The following ADGRL3 variants were observed in gnomAD, a reference collection of about 807,000 sequenced individuals.
The protein encoded by ADGRL3 is adhesion G protein-coupled receptor L3.
A neutral mutation model predicts 153.5 loss-of-function variants in ADGRL3; 62 were observed. The ratio of observed to expected loss-of-function variants is 0.40; its 90% confidence interval spans 0.33 to 0.50. ADGRL3 has a LOEUF of 0.50. Among genes scored for constraint, ADGRL3 ranks in the 20% least tolerant of loss-of-function variants. The pLI is 0.47. For missense variants in ADGRL3, 1,641 were observed against 1,859.4 expected (o/e 0.88, Z 2.16); for synonymous variants, 710 against 672.5 (o/e 1.06, Z -0.86).
At chr4:61,517,140 C>T (rs534108034) in intron 3 of ADGRL3, among the ~76,000 whole-genome samples, 175 bp from the exon 4 acceptor site, 1 of 151,056 alleles carries the variant, frequency 6.6e-6, no homozygotes, top group Non-Finnish European at 1.5e-5. Context: ...TACTAGGGGC[C>T]AGGAGATGTA....
chr4:61,312,067 C>G (rs550237675), intron 1 of ADGRL3, among the ~76,000 whole-genome samples: 3 of 152,136 alleles, frequency 2.0e-5, no homozygotes, highest in South Asian at 2.1e-4. Flanking sequence ...AAAATAAAAC[C>G]TTTAAAAAAA....
At chr4:61,804,594 C>A (rs1045398345) in intron 8 of ADGRL3, among the ~76,000 whole-genome samples, 1 of 152,162 alleles carries the variant, frequency 6.6e-6, no homozygotes, top group Non-Finnish European at 1.5e-5. Context: ...TTTCACTCTT[C>A]TCTCAGCTAA....
chr4:61,955,556 C>T (rs114635065), intron 17 of ADGRL3, among the ~76,000 whole-genome samples: 114 of 151,428 alleles, frequency 7.5e-4, no homozygotes, highest in African/African-American at 2.6e-3. Flanking sequence ...TAAAGAAACA[C>T]CTCTCAATTA....
intron 6 of ADGRL3, among the ~76,000 whole-genome samples, chr4:61,706,035 T>C (rs1261553513): frequency 6.6e-6 from 1 of 152,188 alleles, no homozygotes; most frequent in Non-Finnish European, 1.5e-5. Flanking sequence ...TGCATTGGCT[T>C]GTAATAAGAG....
rs181442845 is a variant in ADGRL3 at position 62,069,109 on chromosome 4, C to A, written c.3832+926C>A. Among the ~76,000 whole-genome samples, 216 of 152,022 alleles carry A rather than the reference C, an allele frequency of 1.4e-3. 2 individuals carry two copies. Among genetic ancestry groups the A allele is most frequent in the African/African-American group, 5.0e-3 (209 of 41,496 alleles). On this transcript the variant is annotated intron_variant, in intron 26 of 26. Transcript: ENST00000683033. ...GTGATTTATGAAGCTATTATAGATT[C>A]TTGTTTTTCTGTTCATTCAATGGAA...
At chr4:62,045,506 ATTT>A (rs994493421) in intron 25 of ADGRL3, among the ~76,000 whole-genome samples, 1 of 151,950 alleles carries the variant, frequency 6.6e-6, no homozygotes, top group Admixed American at 6.6e-5. Flanking sequence ...TTTTTGTTAT[ATTT>A]TATGCTACTT....
chr4:61,745,913 G>A (rs918127768), intron 8 of ADGRL3, among the ~76,000 whole-genome samples: 1 of 152,088 alleles, frequency 6.6e-6, no homozygotes, highest in Non-Finnish European at 1.5e-5. Context: ...ACACAGACTG[G>A]CAAATTGGAT....
At chr4:61,995,242 T>G (rs1157817233) in intron 19 of ADGRL3, among the ~76,000 whole-genome samples, 1 of 151,922 alleles carries the variant, frequency 6.6e-6, no homozygotes. Flanking sequence ...CATACGTAGA[T>G]CTACTTCCTC....
intron 2 of ADGRL3, among the ~76,000 whole-genome samples, chr4:61,481,114 A>G (rs988644747): frequency 3.3e-5 from 5 of 152,222 alleles, no homozygotes; most frequent in Admixed American, 3.3e-4. Flanking sequence ...TTCAAATTAT[A>G]TAATTGCAAT....
chr4:61,700,460 C>T (rs909143164), intron 6 of ADGRL3, among the ~76,000 whole-genome samples: 1 of 152,108 alleles, frequency 6.6e-6, no homozygotes, highest in African/African-American at 2.4e-5. Flanking sequence ...AATAATATAG[C>T]AGTTGCCTTC....
chr4:62,015,306 A>G (rs558637514), intron 21 of ADGRL3, among the ~76,000 whole-genome samples: 90 of 152,334 alleles, frequency 5.9e-4, no homozygotes, highest in African/African-American at 2.1e-3. Context: ...ATTGCTGCCT[A>G]TGGAAGTCGA....
At chr4:61,797,097 G>A (rs908816094) in intron 8 of ADGRL3, among the ~76,000 whole-genome samples, 82 of 152,244 alleles carry the variant, frequency 5.4e-4, no homozygotes, top group African/African-American at 1.9e-3. Flanking sequence ...TTTCTCAGAA[G>A]CCCTTGCCTT....
chr4:62,050,573 T>C (rs1368968042), intron 25 of ADGRL3, among the ~76,000 whole-genome samples: 1 of 152,062 alleles, frequency 6.6e-6, no homozygotes, highest in African/African-American at 2.4e-5. Context: ...CTTCTAAACA[T>C]ATTTTGCTTT....
At chr4:61,455,034 C>G (rs2097718462) in intron 2 of ADGRL3, among the ~76,000 whole-genome samples, 1 of 151,932 alleles carries the variant, frequency 6.6e-6, no homozygotes, top group South Asian at 2.1e-4. Flanking sequence ...AGCAAAAAAA[C>G]AAAAAAACAA....
At chr4:61,793,296 C>T (rs556791555) in intron 8 of ADGRL3, among the ~76,000 whole-genome samples, 5 of 152,110 alleles carry the variant, frequency 3.3e-5, no homozygotes, top group South Asian at 4.2e-4. Context: ...TGGCGGCGGG[C>T]GCCTGTAGTC....
intron 9 of ADGRL3, among the ~76,000 whole-genome samples, chr4:61,852,146 G>T (rs1581148617): frequency 6.6e-6 from 1 of 151,892 alleles, no homozygotes; most frequent in Non-Finnish European, 1.5e-5. Flanking sequence ...TTTTTTAAAA[G>T]ATAAAAAAGG....
chr4:61,389,819 C>A (rs971314772), intron 2 of ADGRL3, among the ~76,000 whole-genome samples: 7 of 152,082 alleles, frequency 4.6e-5, no homozygotes, highest in Non-Finnish European at 7.3e-5. Flanking sequence ...AATTTACATG[C>A]ATAAATGGTG....
rs370440107 is a variant in ADGRL3 at position 61,739,524 on chromosome 4, T to G, written c.1399+5970T>G. Among the ~76,000 whole-genome samples, 49 of 152,320 alleles carry G rather than the reference T, an allele frequency of 3.2e-4. 1 individual carries two copies. Among genetic ancestry groups the G allele is most frequent in the African/African-American group, 1.2e-3 (48 of 41,564 alleles). Reference sequence around the variant, plus strand: ...AATTCATAAAATGTCTGATAAATACTTGGTGCTTTGTAAAGACTGTTGAAT... The same window carrying G: ...AATTCATAAAATGTCTGATAAATACGTGGTGCTTTGTAAAGACTGTTGAAT... On this transcript the variant is annotated intron_variant, in intron 8 of 26. Coordinates refer to ENST00000683033, the MANE Select transcript of ADGRL3 (RefSeq NM_001387552.1).
intron 5 of ADGRL3, among the ~76,000 whole-genome samples, chr4:61,609,285 C>T (rs2099044245): frequency 6.6e-6 from 1 of 152,090 alleles, no homozygotes; most frequent in Non-Finnish European, 1.5e-5. Flanking sequence ...TGTTATTCCT[C>T]ACCTCCTAAA....
Sources: allele counts gnomAD v4.1 joint callset (sites outside exome capture counted in the v4.1 genomes callset), GRCh38; gene constraint gnomAD v4.1.1; transcripts MANE v1.5; gene names NCBI Gene and HGNC (gene_info 2026-07-23, HGNC 2026-07-21).